MTMR7: variants seen among roughly 807,000 people sequenced by gnomAD.
MTMR7 encodes the protein phosphatidylinositol-3-phosphate phosphatase MTMR7.
A neutral mutation model predicts 81.2 loss-of-function variants in MTMR7; 76 were observed. That is an observed-to-expected ratio of 0.94 (90% CI 0.78 to 1.13). The LOEUF is 1.13. MTMR7 is among the 50% of genes most tolerant of loss of function. The pLI is 0.00. For synonymous variants in MTMR7, 372 were observed against 289.8 expected, an observed-to-expected ratio of 1.28 and a Z score of -2.88; for missense variants, 1,044 against 820.0, an observed-to-expected ratio of 1.27 and a Z score of -3.34.
chr8:17,401,452 G>C (rs1394757697), intron 1 of MTMR7, among the ~76,000 whole-genome samples: 2 of 151,896 alleles, frequency 1.3e-5, no homozygotes, highest in Non-Finnish European at 2.9e-5. Flanking sequence ...AGGGAGAAGG[G>C]GCAGATAAGG....
At chr8:17,411,486 A>C (rs1390101245) in intron 1 of MTMR7, among the ~76,000 whole-genome samples, 1 of 152,212 alleles carries the variant, frequency 6.6e-6, no homozygotes, top group South Asian at 2.1e-4. Flanking sequence ...CTGGCACATG[A>C]AAGGTTCTAA....
At chr8:17,382,866 T>C (rs1245117410) in intron 1 of MTMR7, among the ~76,000 whole-genome samples, 2 of 152,208 alleles carry the variant, frequency 1.3e-5, no homozygotes, top group African/African-American at 4.8e-5. Context: ...CACTTTAAAA[T>C]ACACAACAGT....
At chr8:17,413,197 C>A in intron 1 of MTMR7, 72 bp downstream of exon 1, 2 of 1,511,612 alleles carry the variant, frequency 1.3e-6, no homozygotes, top group Non-Finnish European at 1.8e-6. Context: ...CGGCCTCCCG[C>A]GCGCTCAGCA....
chr8:17,331,082 A>G (rs998955569), intron 7 of MTMR7, 68 bp downstream of exon 7: 1 of 1,542,652 alleles, frequency 6.5e-7, no homozygotes, highest in African/African-American at 1.4e-5. Context: ...AATCAAGACT[A>G]TCTTATTCCC....
intron 4 of MTMR7, among the ~76,000 whole-genome samples, chr8:17,356,857 T>G (rs2150553849): frequency 6.6e-6 from 1 of 152,308 alleles, no homozygotes; most frequent in East Asian, 1.9e-4. Flanking sequence ...TCGGGGAGTC[T>G]GTGCCGTAAT....
intron 1 of MTMR7, among the ~76,000 whole-genome samples, chr8:17,373,730 A>G (rs76474853): frequency 0.023 from 3,432 of 152,312 alleles, 138 homozygotes; most frequent in African/African-American, 0.077. Flanking sequence ...TACATACGGG[A>G]GAAAAAAGTA....
intron 9 of MTMR7, 46 bp downstream of exon 9, chr8:17,311,465 C>T: frequency 6.2e-7 from 1 of 1,612,410 alleles, no homozygotes. Flanking sequence ...GGGTCCATTC[C>T]TGGTCAAGGC....
intron 1 of MTMR7, among the ~76,000 whole-genome samples, chr8:17,386,124 C>A (rs1820932152): frequency 6.6e-6 from 1 of 152,144 alleles, no homozygotes; most frequent in Admixed American, 6.5e-5. Context: ...ACTTGTAATC[C>A]CAGCACTTTG....
chr8:17,333,035 GA>G (rs987756948), intron 6 of MTMR7, among the ~76,000 whole-genome samples: 1 of 151,924 alleles, frequency 6.6e-6, no homozygotes, highest in Admixed American at 6.6e-5. Context: ...TATTAGAAGT[GA>G]AAAAAACAGC....
At chr8:17,386,157 C>A (rs1216252904) in intron 1 of MTMR7, among the ~76,000 whole-genome samples, 1 of 152,166 alleles carries the variant, frequency 6.6e-6, no homozygotes, top group Non-Finnish European at 1.5e-5. Flanking sequence ...AGGAGGACTG[C>A]TTGAGCCCAG....
chr8:17,380,791 CAGTT>C (rs1316422029), intron 1 of MTMR7, among the ~76,000 whole-genome samples: 1 of 152,074 alleles, frequency 6.6e-6, no homozygotes, highest in African/African-American at 2.4e-5. Context: ...TTAGCATAGA[CAGTT>C]AATAATTATT....
chr8:17,392,745 G>C (rs1359888410), intron 1 of MTMR7, among the ~76,000 whole-genome samples: 2 of 152,220 alleles, frequency 1.3e-5, no homozygotes, highest in East Asian at 1.9e-4. Flanking sequence ...TCTTTGCAGA[G>C]TTCCTCCAGA....
At chr8:17,400,520 C>A (rs902625261) in intron 1 of MTMR7, among the ~76,000 whole-genome samples, 1 of 152,182 alleles carries the variant, frequency 6.6e-6, no homozygotes, top group African/African-American at 2.4e-5. Flanking sequence ...CCTCTGGAGT[C>A]CTGTGTGCTT....
intron 3 of MTMR7, among the ~76,000 whole-genome samples, chr8:17,367,675 C>G (rs1303887976): frequency 2.0e-5 from 3 of 152,104 alleles, no homozygotes; most frequent in African/African-American, 7.2e-5. Flanking sequence ...ACCAGAAATC[C>G]TAACTCAGTA....
At chr8:17,403,183 C>A (rs1821478462) in intron 1 of MTMR7, among the ~76,000 whole-genome samples, 1 of 152,092 alleles carries the variant, frequency 6.6e-6, no homozygotes, top group Non-Finnish European at 1.5e-5. Flanking sequence ...CAAATATTTT[C>A]TCCCATTCTG....
intron 5 of MTMR7, among the ~76,000 whole-genome samples, chr8:17,348,083 G>GA (rs1819613929): frequency 6.6e-6 from 1 of 151,946 alleles, no homozygotes; most frequent in Non-Finnish European, 1.5e-5. Flanking sequence ...TTACGCAACA[G>GA]AAAAAAATTG....
intron 2 of MTMR7, among the ~76,000 whole-genome samples, chr8:17,371,935 T>TCC (rs1485293732): frequency 6.6e-6 from 1 of 150,864 alleles, no homozygotes; most frequent in Non-Finnish European, 1.5e-5. Context: ...TACTATTGAG[T>TCC]ATGGTCACCT....
At chr8:17,331,932 T>C (rs1819023010) in intron 6 of MTMR7, among the ~76,000 whole-genome samples, 1 of 152,210 alleles carries the variant, frequency 6.6e-6, no homozygotes, top group African/African-American at 2.4e-5. Context: ...ATTTTGCATA[T>C]GAGAAGTTGG....
At chr8:17,404,308 C>G (rs116684167) in intron 1 of MTMR7, among the ~76,000 whole-genome samples, 34 of 152,202 alleles carry the variant, frequency 2.2e-4, no homozygotes, top group African/African-American at 7.5e-4. Context: ...GGCTCCAGCA[C>G]TGGAACGGTG....
Sources: allele counts gnomAD v4.1 joint callset (sites outside exome capture counted in the v4.1 genomes callset), GRCh38; gene constraint gnomAD v4.1.1; transcripts MANE v1.5; gene names NCBI Gene and HGNC (gene_info 2026-07-23, HGNC 2026-07-21).